The following MRTFB variants were observed in gnomAD, a reference collection of about 807,000 sequenced individuals.
MRTFB encodes myocardin related transcription factor B, also known as myocardin-related transcription factor B.
A neutral mutation model predicts 104.2 loss-of-function variants in MRTFB; 29 were observed. The observed-to-expected ratio is 0.28, with a 90% CI of 0.21 to 0.38. The LOEUF (loss-of-function observed/expected upper bound fraction) is 0.38, where lower values mean the gene tolerates loss of function less well. Among genes scored for constraint, MRTFB ranks in the 10% least tolerant of loss-of-function variants. The probability of loss-of-function intolerance (pLI) is 1.00; values close to 1 mark genes in which losing one functional copy is unlikely to be tolerated. For synonymous variants in MRTFB, 535 were observed against 519.5 expected, an observed-to-expected ratio of 1.03 and a Z score of -0.41; for missense variants, 1,270 against 1,341.6, an observed-to-expected ratio of 0.95 and a Z score of 0.83.
the MRTFB span, among the ~76,000 whole-genome samples, chr16:14,044,576 C>T: frequency 1.3e-5 from 2 of 152,204 alleles, no homozygotes; most frequent in African/African-American, 4.8e-5. Context: ...AACAGTAGCA[C>T]ACGCTCCCTT....
the MRTFB span, among the ~76,000 whole-genome samples, chr16:14,017,536 A>T: frequency 7.1e-6 from 1 of 141,554 alleles, no homozygotes. Flanking sequence ...TTCGTGTGAA[A>T]CCTCTATGGT....
chr16:14,059,120 A>G, the MRTFB span, among the ~76,000 whole-genome samples: 1 of 152,002 alleles, frequency 6.6e-6, no homozygotes, highest in Non-Finnish European at 1.5e-5. Flanking sequence ...TATTTATGGG[A>G]TACAGATATT....
chr16:14,122,574 G>A (rs868276802), intron 2 of MRTFB, among the ~76,000 whole-genome samples: 5 of 152,186 alleles, frequency 3.3e-5, no homozygotes, highest in Middle Eastern at 3.4e-3. Flanking sequence ...TGAGAGTGAT[G>A]GTGTCCAGCT....
At position 14,262,974 on chromosome 16, in the gene MRTFB, A is replaced by T. The variant is rs2043825637; in HGVS notation, c.*1530A>T. 6.6e-6 allele frequency: 1 copy of T among 152,592 alleles called. No individual in the cohort carries two copies. Among genetic ancestry groups the T allele is most frequent in the Non-Finnish European group, 1.5e-5 (1 of 68,028 alleles). The allele number at this position is 152,592 out of a possible 1,614,324, so 9.5% of individuals were successfully genotyped here. On this transcript the variant is annotated 3_prime_UTR_variant, in exon 17 of 17. Coordinates refer to ENST00000571589, the MANE Select transcript of MRTFB (RefSeq NM_001308142.2). ...ACCCGTTATTTGGAAAGAATTTGTG[A>T]ATTATTTCTGGGTTTGTGTTTTGCC... is the stretch of plus-strand genomic sequence containing the variant.
chr16:14,158,067 CT>C (rs971575218), intron 3 of MRTFB, among the ~76,000 whole-genome samples: 16 of 152,118 alleles, frequency 1.1e-4, no homozygotes, highest in Non-Finnish European at 2.1e-4. Context: ...CCCACTTTTG[CT>C]TTCTTAAGGA....
chr16:14,248,731 C>T, intron 12 of MRTFB, 195 bp from the exon 13 acceptor site: 3 of 529,536 alleles, frequency 5.7e-6, no homozygotes. Context: ...CATGCAGTGA[C>T]TGGTCTGATG....
intron 2 of MRTFB, among the ~76,000 whole-genome samples, chr16:14,089,487 T>G (rs1372445499): frequency 6.6e-6 from 1 of 152,246 alleles, no homozygotes; most frequent in Non-Finnish European, 1.5e-5. Flanking sequence ...AGTAGTATTC[T>G]GTTGTGTGGA....
intron 3 of MRTFB, among the ~76,000 whole-genome samples, chr16:14,183,415 G>A (rs146462238): frequency 6.6e-6 from 1 of 152,316 alleles, no homozygotes; most frequent in Admixed American, 6.5e-5. Context: ...TGTGATCCTG[G>A]TTTGGATCCT....
At chr16:14,193,101 C>G (rs2040260558) in intron 3 of MRTFB, among the ~76,000 whole-genome samples, 1 of 151,606 alleles carries the variant, frequency 6.6e-6, no homozygotes, top group Admixed American at 6.6e-5. Flanking sequence ...TTTTCCCTCC[C>G]CCTACACACA....
intron 3 of MRTFB, among the ~76,000 whole-genome samples, chr16:14,209,501 A>G (rs1823725832): frequency 6.6e-6 from 1 of 152,202 alleles, no homozygotes. Flanking sequence ...AGATAAAAAT[A>G]TGTAGATGCT....
At chr16:14,011,882 A>G in the MRTFB span, among the ~76,000 whole-genome samples, 1 of 152,158 alleles carries the variant, frequency 6.6e-6, no homozygotes, top group Admixed American at 6.5e-5. Context: ...ACAAATAATA[A>G]TAATAATTCT....
rs2043760273 is a variant in MRTFB at position 14,261,105 on chromosome 16, T to A, written c.2961T>A (p.Asp987Glu). ...AGAACCAACTAGAAGCTTTCTTGGA[T>A]GGAACTTTACCCTCAGCCAATGAAA... is the stretch of plus-strand genomic sequence containing the variant. ...SLENQLEAFL[D>E]GTLPSANEIP... The change falls in exon 17 of 17, where the codon GAT (aspartate) becomes GAA (glutamate). Residue 987 changes from aspartate (D) to glutamate (E), a missense_variant. Transcript: ENST00000571589. The A allele has an allele frequency of 1.2e-6, 2 of 1,614,070 alleles. No homozygotes were observed. Among genetic ancestry groups the A allele is most frequent in the African/African-American group, 2.7e-5 (2 of 74,922 alleles).
At chr16:14,238,339 G>C (rs559316406) in intron 9 of MRTFB, among the ~76,000 whole-genome samples, 29 of 152,242 alleles carry the variant, frequency 1.9e-4, no homozygotes, top group Admixed American at 5.9e-4. Flanking sequence ...GGGGGGGACT[G>C]TGCAAGTGAG....
At chr16:14,026,096 G>A in the MRTFB span, among the ~76,000 whole-genome samples, 1 of 152,060 alleles carries the variant, frequency 6.6e-6, no homozygotes, top group Non-Finnish European at 1.5e-5. Context: ...TCCCACTAGT[G>A]GTTTTTTTGT....
At chr16:14,163,111 A>G (rs1475069643) in intron 3 of MRTFB, among the ~76,000 whole-genome samples, 2 of 152,206 alleles carry the variant, frequency 1.3e-5, no homozygotes, top group South Asian at 2.1e-4. Context: ...TAACAAATCT[A>G]TTAAGGTCAA....
Position 14,260,996 on chromosome 16 carries a change from C to T in MRTFB, c.2852C>T (p.Thr951Ile), listed in dbSNP as rs1463312162. ...AGCATCACCACAATGCCAGTGAATA[C>T]AGTGGTGTCCCGGCCACCACCCCAA... is the stretch of plus-strand genomic sequence containing the variant. ...TASITTMPVN[T>I]VVSRPPPQVQ... is the part of the protein sequence containing the mutation. Residue 951 changes from threonine to isoleucine, a missense_variant, in exon 17 of 17, where the codon ACA becomes ATA. Around this residue, in one of 3 missense-constraint regions of MRTFB, gnomAD observed 1,144 missense variants for 1,131.5 expected, o/e 1.01. Coordinates refer to ENST00000571589, the MANE Select transcript of MRTFB (RefSeq NM_001308142.2). The T allele has an allele frequency of 1.2e-6, 2 of 1,614,058 alleles. No homozygotes were observed. The highest frequency in any genetic ancestry group is 8.5e-7 in the Non-Finnish European group (1 of 1,180,016).
intron 7 of MRTFB, among the ~76,000 whole-genome samples, chr16:14,218,350 C>T (rs1240984765): frequency 1.3e-5 from 2 of 152,184 alleles, no homozygotes; most frequent in African/African-American, 4.8e-5. Context: ...TGAGCCACCG[C>T]ACCCAGCCTG....
intron 2 of MRTFB, among the ~76,000 whole-genome samples, chr16:14,084,332 G>A (rs1018902912): frequency 1.3e-5 from 2 of 152,100 alleles, no homozygotes; most frequent in Admixed American, 1.3e-4. Flanking sequence ...GAGCTCAGGA[G>A]TTCAAGACTG....
In MRTFB at chr16:14,231,286, TAATAA is replaced by T. The variant is rs1403786547; in HGVS notation, c.694-2852_694-2848del. Reference sequence around the variant, plus strand: ...TACCCTAAAACTTAAAGTATAATAATAATAAAATAAAAAATAAAAATAAATTAAAA... The same window carrying T: ...TACCCTAAAACTTAAAGTATAATAATAATAAAAAATAAAAATAAATTAAAA... On this transcript the variant is annotated intron_variant, in intron 8 of 16. Coordinates refer to ENST00000571589, the MANE Select transcript of MRTFB (RefSeq NM_001308142.2). Among the ~76,000 whole-genome samples, 7 of 149,766 alleles carry T rather than the reference TAATAA, an allele frequency of 4.7e-5. No individual in the cohort carries two copies. The East Asian group carries it at 9.6e-4, about 21-fold the overall frequency.
Sources: allele counts gnomAD v4.1 joint callset (sites outside exome capture counted in the v4.1 genomes callset), GRCh38; gene constraint gnomAD v4.1.1; regional missense constraint gnomAD v4.1.1; transcripts MANE v1.5; gene names NCBI Gene and HGNC (gene_info 2026-07-23, HGNC 2026-07-21).